HOTAIR: variants seen among roughly 807,000 people sequenced by gnomAD.
HOTAIR encodes the protein HOX transcript antisense RNA.
chr12:53,973,982 G>A lies in HOTAIR; in HGVS notation n.59+916C>T. 4.3e-6 allele frequency: 6 copies of A among 1,379,722 alleles called. No individual in the cohort carries two copies. The highest frequency in any genetic ancestry group is 5.7e-6 in the Non-Finnish European group (6 of 1,049,866). The allele number at this position is 1,379,722 out of a possible 1,614,324, so 85.5% of individuals were successfully genotyped here. On this transcript the variant is annotated intron_variant and non_coding_transcript_variant, in intron 1 of 6. Transcript: ENST00000424518. The surrounding 1 kb of genome is among the most constrained non-coding windows in gnomAD (Gnocchi z 4.3). Reference sequence around the variant, plus strand: ...CGAGGGAGGGAGCGAGAGAGGGAGGGCGAGAGAAGGGGGGAGGCAAGGGGA... The same window carrying A: ...CGAGGGAGGGAGCGAGAGAGGGAGGACGAGAGAAGGGGGGAGGCAAGGGGA...
intron 1 of HOTAIR, among the ~76,000 whole-genome samples, chr12:53,971,241 C>G (rs1386875087): frequency 2.6e-5 from 4 of 152,224 alleles, no homozygotes; most frequent in Non-Finnish European, 5.9e-5. Flanking sequence ...TCTAGTTCTT[C>G]TTTGCTTCAG....
chr12:53,973,791 C>G lies in HOTAIR; in HGVS notation n.59+1107G>C. 6.3e-7 allele frequency: 1 copy of G among 1,595,404 alleles called. No individual in the cohort carries two copies. Among genetic ancestry groups the G allele is most frequent in the Non-Finnish European group, 8.5e-7 (1 of 1,172,290 alleles). On this transcript the variant is annotated intron_variant and non_coding_transcript_variant, in intron 1 of 6. Coordinates refer to ENST00000424518, the Ensembl canonical transcript of HOTAIR. This position sits in a 1 kb window ranked among gnomAD's most constrained non-coding sequence, Gnocchi z 4.3. ...CGAGGCCAAGGGGGAGCCCGAGGCA[C>G]CCCCGGCCTCGGGACTGGCGTCCCG...
rs938240917 is a variant in HOTAIR, at chr12:53,973,131, CAGAG to C, written n.59+1763_59+1766del. On this transcript the variant is annotated intron_variant and non_coding_transcript_variant, in intron 1 of 6. Coordinates refer to ENST00000424518, the Ensembl canonical transcript of HOTAIR. The surrounding 1 kb of genome is among the most constrained non-coding windows in gnomAD (Gnocchi z 4.3). ...CAATATCTACTTTGGATCACGTGCT[CAGAG>C]AGAGAGAGACTAAGACGGATAACGC... is the stretch of plus-strand genomic sequence containing the variant. 2.5e-6 allele frequency: 2 copies of C among 787,850 alleles called. No homozygotes were observed. The highest frequency in any genetic ancestry group is 2.7e-5 in the East Asian group (1 of 37,640). 48.8% of individuals were successfully genotyped at this position (787,850 alleles called of 1,614,324 possible).
At chr12:53,969,698 C>G (rs1051326608) in intron 1 of HOTAIR, among the ~76,000 whole-genome samples, 1 of 152,250 alleles carries the variant, frequency 6.6e-6, no homozygotes, top group Non-Finnish European at 1.5e-5. Context: ...GCTGGCCCAG[C>G]CTGTGAACAA....
chr12:53,970,640 T>C (rs1356273633), intron 1 of HOTAIR, among the ~76,000 whole-genome samples: 1 of 152,238 alleles, frequency 6.6e-6, no homozygotes, highest in African/African-American at 2.4e-5. Flanking sequence ...GACCCCAGCG[T>C]TTCCTAGACA....
At chr12:53,967,831 C>A (rs1939082420) in intron 2 of HOTAIR, among the ~76,000 whole-genome samples, 1 of 152,100 alleles carries the variant, frequency 6.6e-6, no homozygotes, top group Non-Finnish European at 1.5e-5. Context: ...AATTGGCAGG[C>A]ACTTTGGAGA....
exon 7 of HOTAIR, chr12:53,962,602 T>C (rs1307621641): frequency 1.3e-5 from 2 of 152,300 alleles, no homozygotes; most frequent in East Asian, 3.9e-4. Flanking sequence ...ACATTGAAAT[T>C]GCATTCTTCT....
Position 53,973,496 on chromosome 12 carries a change from T to A in HOTAIR, n.59+1402A>T. ...TGGAGCCATCCGGCAAGTGGCACCA[T>A]CGGAACAGCTACTCCTCCTGCTATG... On this transcript the variant is annotated intron_variant and non_coding_transcript_variant, in intron 1 of 6. Coordinates refer to ENST00000424518, the Ensembl canonical transcript of HOTAIR. This position sits in a 1 kb window ranked among gnomAD's most constrained non-coding sequence, Gnocchi z 4.3. 3 of 1,613,958 alleles carry A rather than the reference T, an allele frequency of 1.9e-6. No individual in the cohort carries two copies. Among genetic ancestry groups the A allele is most frequent in the Non-Finnish European group, 2.5e-6 (3 of 1,179,996 alleles).
At chr12:53,964,238 G>A (rs2037067117) in exon 6 of HOTAIR, 1 of 146,860 alleles carries the variant, frequency 6.8e-6, no homozygotes, top group African/African-American at 2.6e-5. Context: ...AACCTTGGGT[G>A]TAATTGCTGG....
At chr12:53,971,859 A>C (rs1342136221) in intron 1 of HOTAIR, among the ~76,000 whole-genome samples, 1 of 152,224 alleles carries the variant, frequency 6.6e-6, no homozygotes, top group African/African-American at 2.4e-5. Context: ...GACTGAGCCT[A>C]CTTCTTGGGC....
Position 53,973,384 on chromosome 12 carries a change from C to T in HOTAIR, n.59+1514G>A, listed in dbSNP as rs17849492. 6.2e-7 allele frequency: 1 copy of T among 1,614,234 alleles called. No homozygotes were observed. The highest frequency in any genetic ancestry group is 8.5e-7 in the Non-Finnish European group (1 of 1,180,042). ...TACATGCCCGAGTTCTCCACGGTCT[C>T]CTCCTTCCTGCCCCAGGCCCCCTCT... On this transcript the variant is annotated intron_variant and non_coding_transcript_variant, in intron 1 of 6. Coordinates refer to ENST00000424518, the Ensembl canonical transcript of HOTAIR. This position sits in a 1 kb window ranked among gnomAD's most constrained non-coding sequence, Gnocchi z 4.3.
At chr12:53,965,820 CGA>C (rs1384273403) in intron 5 of HOTAIR, 1 of 152,026 alleles carries the variant, frequency 6.6e-6, no homozygotes, top group Non-Finnish European at 1.5e-5. Context: ...ATAAGAAAGA[CGA>C]GAGAGAAGGA....
chr12:53,964,655 A>C (rs1204383245), intron 5 of HOTAIR, among the ~76,000 whole-genome samples: 1 of 152,130 alleles, frequency 6.6e-6, no homozygotes, highest in South Asian at 2.1e-4. Flanking sequence ...GAGAGAGAGA[A>C]AGTATTTCTC....
chr12:53,969,069 G>T (rs776422714), intron 1 of HOTAIR, among the ~76,000 whole-genome samples: 1 of 152,218 alleles, frequency 6.6e-6, no homozygotes, highest in Non-Finnish European at 1.5e-5. Context: ...TCAGGGCTCC[G>T]GCCAACCCGC....
chr12:53,971,912 C>G (rs1483838913), intron 1 of HOTAIR, among the ~76,000 whole-genome samples: 1 of 152,222 alleles, frequency 6.6e-6, no homozygotes, highest in Non-Finnish European at 1.5e-5. Context: ...GAGGGCAGGA[C>G]AGGGCTGAGA....
At chr12:53,966,810 A>C in intron 3 of HOTAIR, among the ~76,000 whole-genome samples, 1 of 91,914 alleles carries the variant, frequency 1.1e-5, no homozygotes, top group East Asian at 3.2e-4. Context: ...CCGGGAGCGT[A>C]AGGCAGCGCC....
chr12:53,967,802 C>T (rs1939081879), intron 2 of HOTAIR, among the ~76,000 whole-genome samples: 1 of 152,170 alleles, frequency 6.6e-6, no homozygotes, highest in East Asian at 1.9e-4. Context: ...CAAAAATGTG[C>T]TTCATGTCTG....
chr12:53,973,912 G>T lies in HOTAIR; in HGVS notation n.59+986C>A, dbSNP rs1390422425. The T allele has an allele frequency of 2.8e-6, 4 of 1,443,440 alleles. No homozygotes were observed. Among genetic ancestry groups the T allele is most frequent in the Non-Finnish European group, 3.6e-6 (4 of 1,096,474 alleles). 89.4% of individuals were successfully genotyped at this position (1,443,440 alleles called of 1,614,324 possible). On this transcript the variant is annotated intron_variant and non_coding_transcript_variant, in intron 1 of 6. Coordinates refer to ENST00000424518, the Ensembl canonical transcript of HOTAIR. The surrounding 1 kb of genome is among the most constrained non-coding windows in gnomAD (Gnocchi z 4.3). ...TCCGTGGCCAAGGAGCCGGCCAAAG[G>T]AGCCGCCCCCAGTAGGTAGCAGCGG...
intron 1 of HOTAIR, among the ~76,000 whole-genome samples, chr12:53,972,443 A>G (rs1474286114): frequency 6.6e-6 from 1 of 152,060 alleles, no homozygotes; most frequent in Non-Finnish European, 1.5e-5. Flanking sequence ...ACTGCTCACC[A>G]CTCGTTTATG....
Sources: gnomAD v4.1 joint callset for allele counts (sites outside exome capture counted in the v4.1 genomes callset) on GRCh38, gnomAD v4.1.1 for gene constraint, Gnocchi (gnomAD v3.1) non-coding constraint, MANE v1.5 for transcripts, NCBI Gene and HGNC (gene_info 2026-07-23, HGNC 2026-07-21) for gene names.